Variants in NCALD observed in about 807,000 individuals in gnomAD.
The protein encoded by NCALD is neurocalcin delta.
NCALD carries 10 observed loss-of-function variants against 18.6 expected under a neutral mutation model. The observed-to-expected ratio is 0.54, with a 90% CI of 0.33 to 0.91. The LOEUF is 0.91. Ranked by LOEUF, NCALD falls within the 40% of genes least tolerant of loss-of-function variation. The probability of loss-of-function intolerance (pLI) is 0.03; values close to 1 mark genes in which losing one functional copy is unlikely to be tolerated. For synonymous variants in NCALD, 88 were observed against 87.4 expected (o/e 1.01, Z -0.04); for missense variants, 184 against 247.6 (o/e 0.74, Z 1.72).
At chr8:101,710,684 A>T (rs1410643108) in intron 2 of NCALD, among the ~76,000 whole-genome samples, 1 of 152,218 alleles carries the variant, frequency 6.6e-6, no homozygotes, top group Non-Finnish European at 1.5e-5. Context: ...CCGCAGCACC[A>T]CAAAGTTGCT....
At chr8:101,846,652 G>A (rs1224543858) in intron 4 of NCALD, among the ~76,000 whole-genome samples, 1 of 152,156 alleles carries the variant, frequency 6.6e-6, no homozygotes, top group African/African-American at 2.4e-5. Flanking sequence ...AGCAGAGCAT[G>A]AGAGTCTAGA....
chr8:102,050,200 G>T (rs942848208), intron 1 of NCALD, among the ~76,000 whole-genome samples: 1 of 97,188 alleles, frequency 1.0e-5, no homozygotes, highest in South Asian at 3.8e-4. Context: ...AAAAAATTGA[G>T]CTGTTTTCTA....
chr8:101,951,909 C>G (rs1819439228), intron 2 of NCALD, among the ~76,000 whole-genome samples: 1 of 152,198 alleles, frequency 6.6e-6, no homozygotes, highest in East Asian at 1.9e-4. Flanking sequence ...CTCTCCAGAG[C>G]ATGGAGTCCA....
intron 3 of NCALD, among the ~76,000 whole-genome samples, chr8:101,911,213 A>G (rs1817781320): frequency 1.3e-5 from 2 of 151,656 alleles, no homozygotes; most frequent in South Asian, 4.2e-4. Flanking sequence ...CAGTAGCTAC[A>G]GCCTAAGGCT....
intron 2 of NCALD, among the ~76,000 whole-genome samples, chr8:101,701,042 G>A (rs1337690837): frequency 6.6e-6 from 1 of 152,214 alleles, no homozygotes; most frequent in Non-Finnish European, 1.5e-5. Flanking sequence ...TATGCCAGGG[G>A]TGGTACAAGA....
intron 4 of NCALD, among the ~76,000 whole-genome samples, chr8:101,817,637 G>T (rs1813551668): frequency 6.6e-6 from 1 of 150,960 alleles, no homozygotes; most frequent in Non-Finnish European, 1.5e-5. Context: ...TGCCAAGAAG[G>T]CATTGCCGAC....
intron 2 of NCALD, among the ~76,000 whole-genome samples, chr8:101,973,259 T>C (rs959522355): frequency 6.6e-6 from 1 of 152,218 alleles, no homozygotes; most frequent in African/African-American, 2.4e-5. Flanking sequence ...TTTATCATTA[T>C]GTCTCCATAG....
chr8:101,956,619 C>CAG (rs1398466724), intron 2 of NCALD, among the ~76,000 whole-genome samples: 5 of 150,654 alleles, frequency 3.3e-5, no homozygotes, highest in Admixed American at 6.6e-5. Context: ...GAGACAGACA[C>CAG]AGAGAGAGAG....
intron 1 of NCALD, among the ~76,000 whole-genome samples, chr8:101,745,279 G>A (rs577646718): frequency 2.8e-4 from 43 of 152,116 alleles, no homozygotes; most frequent in African/African-American, 9.4e-4. Context: ...AAACCCAGAC[G>A]GGTGATGTTC....
intron 3 of NCALD, among the ~76,000 whole-genome samples, chr8:101,895,274 G>C (rs1264968): frequency 0.18 from 17,779 of 96,332 alleles, 2,877 homozygotes; most frequent in African/African-American, 0.39. Flanking sequence ...ACATGATTAT[G>C]TCAATAGATG....
chr8:102,006,400 A>C (rs2132048374), intron 2 of NCALD, among the ~76,000 whole-genome samples: 1 of 152,290 alleles, frequency 6.6e-6, no homozygotes, highest in African/African-American at 2.4e-5. Context: ...AGGCACAGTT[A>C]ACTAGCCAGG....
At chr8:101,997,484 T>C (rs1821280620) in intron 2 of NCALD, among the ~76,000 whole-genome samples, 1 of 152,008 alleles carries the variant, frequency 6.6e-6, no homozygotes, top group Admixed American at 6.6e-5. Context: ...TCACTGCAGA[T>C]AGGAGGCTGA....
chr8:101,705,394 G>A (rs558960752), intron 2 of NCALD, among the ~76,000 whole-genome samples: 3 of 152,284 alleles, frequency 2.0e-5, no homozygotes, highest in South Asian at 4.1e-4. Context: ...AATTGGGGAA[G>A]GACCTGATCG....
intron 4 of NCALD, among the ~76,000 whole-genome samples, chr8:101,862,987 G>A: frequency 6.6e-6 from 1 of 152,274 alleles, no homozygotes; most frequent in South Asian, 2.1e-4. Context: ...AGAAGTGAAG[G>A]CCCAAGAAGA....
intron 1 of NCALD, among the ~76,000 whole-genome samples, chr8:102,069,470 G>C (rs1284895252): frequency 6.6e-6 from 1 of 152,142 alleles, no homozygotes; most frequent in Non-Finnish European, 1.5e-5. Context: ...GGAATGTTTT[G>C]CAATATGAAT....
At chr8:101,795,535 C>T (rs1812607374), upstream of NCALD, among the ~76,000 whole-genome samples, 1 of 152,126 alleles carries the variant, frequency 6.6e-6, no homozygotes, top group Admixed American at 6.5e-5. Context: ...TATTTAGGGC[C>T]TCTTTTATAA....
intron 2 of NCALD, among the ~76,000 whole-genome samples, chr8:101,939,988 C>A (rs1205243962): frequency 6.6e-6 from 1 of 152,188 alleles, no homozygotes; most frequent in Non-Finnish European, 1.5e-5. Context: ...TCTCTGAGAG[C>A]CAACTCAGCA....
intron 2 of NCALD, among the ~76,000 whole-genome samples, chr8:101,972,608 AAG>A (rs2131900780): frequency 6.6e-6 from 1 of 152,300 alleles, no homozygotes; most frequent in East Asian, 1.9e-4. Flanking sequence ...GTTCATTACT[AAG>A]GGCATTTTTG....
intron 2 of NCALD, among the ~76,000 whole-genome samples, chr8:101,941,717 G>A (rs1370600712): frequency 6.6e-6 from 1 of 152,140 alleles, no homozygotes; most frequent in Non-Finnish European, 1.5e-5. Context: ...TGGGGGAGTA[G>A]GGATGACAGG....
Sources: gnomAD v4.1 joint callset for allele counts (sites outside exome capture counted in the v4.1 genomes callset) on GRCh38, gnomAD v4.1.1 for gene constraint, MANE v1.5 for transcripts, NCBI Gene and HGNC (gene_info 2026-07-23, HGNC 2026-07-21) for gene names.